EPHA6: variants seen among roughly 807,000 people sequenced by gnomAD.
EPHA6 encodes the protein EPH receptor A6.
In EPHA6, 50 loss-of-function variants were observed where a neutral mutation model predicts 112.0. The observed-to-expected ratio is 0.45, with a 90% CI of 0.36 to 0.56. EPHA6 has a LOEUF of 0.56. Among genes scored for constraint, EPHA6 ranks in the 20% least tolerant of loss-of-function variants. The probability of loss-of-function intolerance (pLI) is 0.00; values close to 1 mark genes in which losing one functional copy is unlikely to be tolerated. For missense variants in EPHA6, 1,280 were observed against 1,417.4 expected, an observed-to-expected ratio of 0.90 and a Z score of 1.56; for synonymous variants, 529 against 490.7, an observed-to-expected ratio of 1.08 and a Z score of -1.03.
chr3:97,494,775 C>A (rs28470600), intron 10 of EPHA6, among the ~76,000 whole-genome samples: 10,356 of 152,106 alleles, frequency 0.068, 1,104 homozygotes, highest in African/African-American at 0.23. Context: ...TGAACTTATA[C>A]AAAGTAAACC....
intron 14 of EPHA6, among the ~76,000 whole-genome samples, chr3:97,662,263 G>A (rs1305256630): frequency 6.6e-6 from 1 of 152,122 alleles, no homozygotes; most frequent in Non-Finnish European, 1.5e-5. Context: ...AAAATTTTTA[G>A]TAAATGTTAA....
chr3:96,979,082 A>T (rs554023902), intron 2 of EPHA6, among the ~76,000 whole-genome samples: 1 of 152,178 alleles, frequency 6.6e-6, no homozygotes, highest in Non-Finnish European at 1.5e-5. Flanking sequence ...TATACTTTAA[A>T]ATTTCTAGGG....
At chr3:96,890,446 A>G (rs1234140308) in intron 2 of EPHA6, among the ~76,000 whole-genome samples, 1 of 152,180 alleles carries the variant, frequency 6.6e-6, no homozygotes, top group Non-Finnish European at 1.5e-5. Context: ...TTAAAACTTG[A>G]AGATTAGAAG....
chr3:97,708,667 G>A (rs567780541), intron 14 of EPHA6, among the ~76,000 whole-genome samples: 1 of 152,332 alleles, frequency 6.6e-6, no homozygotes, highest in East Asian at 1.9e-4. Context: ...AGATCTTCAT[G>A]GCAGTTCTTC....
rs1576809731 is a variant in EPHA6 at position 97,269,367 on chromosome 3, C to G, written c.1606+25080C>G. On this transcript the variant is annotated intron_variant, in intron 5 of 17. Coordinates refer to ENST00000389672, the MANE Select transcript of EPHA6 (RefSeq NM_001080448.3). ...TGATGGCTTCCCTGGATCAAAGTGT[C>G]CCTCCCCTTCTCTCACAATTTCTAT... Among the ~76,000 whole-genome samples the G allele has an allele frequency of 5.3e-5, 8 of 152,148 alleles. 3 individuals carry two copies. The highest frequency in any genetic ancestry group is 5.2e-4 in the Admixed American group (8 of 15,270).
chr3:97,047,366 G>T (rs143630395), intron 3 of EPHA6, among the ~76,000 whole-genome samples: 2 of 151,734 alleles, frequency 1.3e-5, no homozygotes, highest in Non-Finnish European at 2.9e-5. Context: ...TGGGCGTGGT[G>T]GTGGGCACCT....
intron 3 of EPHA6, among the ~76,000 whole-genome samples, chr3:97,106,449 G>C (rs1445669040): frequency 6.6e-6 from 1 of 151,894 alleles, no homozygotes. Context: ...AATATTGGTG[G>C]GGGTGGTTGG....
At chr3:97,316,551 C>T (rs987415718) in intron 5 of EPHA6, among the ~76,000 whole-genome samples, 4 of 151,690 alleles carry the variant, frequency 2.6e-5, no homozygotes, top group African/African-American at 9.7e-5. Flanking sequence ...TAATCCATAC[C>T]CTGATGCTAT....
intron 10 of EPHA6, among the ~76,000 whole-genome samples, chr3:97,523,175 C>A (rs1194395633): frequency 6.6e-6 from 1 of 152,010 alleles, no homozygotes; most frequent in Admixed American, 6.6e-5. Context: ...TTGCTATAAA[C>A]TTCCCTCTTA....
At chr3:97,472,158 G>A (rs1227984286) in intron 7 of EPHA6, among the ~76,000 whole-genome samples, 3 of 151,644 alleles carry the variant, frequency 2.0e-5, no homozygotes, top group Middle Eastern at 3.4e-3. Context: ...TGAGGGGAGG[G>A]GGAAAGGCTG....
intron 5 of EPHA6, among the ~76,000 whole-genome samples, chr3:97,297,099 C>T (rs1173239829): frequency 6.6e-6 from 1 of 152,098 alleles, no homozygotes; most frequent in Non-Finnish European, 1.5e-5. Flanking sequence ...CTAGTCTAGT[C>T]AGAGGCCCTG....
chr3:97,320,912 G>A (rs1277963870), intron 5 of EPHA6, among the ~76,000 whole-genome samples: 6 of 149,992 alleles, frequency 4.0e-5, no homozygotes, highest in Admixed American at 4.0e-4. Context: ...TTAATTTTCA[G>A]TGCTTTGGAG....
chr3:97,085,866 TCG>T (rs2046876534), intron 3 of EPHA6, among the ~76,000 whole-genome samples: 1 of 150,462 alleles, frequency 6.6e-6, no homozygotes, highest in Admixed American at 6.6e-5. Context: ...AGAAGTTCTC[TCG>T]TAGAAATTGA....
At chr3:97,265,922 A>T (rs950823407) in intron 5 of EPHA6, among the ~76,000 whole-genome samples, 1 of 152,240 alleles carries the variant, frequency 6.6e-6, no homozygotes, top group Admixed American at 6.5e-5. Flanking sequence ...AAAAGCAGGC[A>T]TTGGGCTTGA....
intron 5 of EPHA6, chr3:97,244,662 A>T (rs924114400): frequency 3.7e-6 from 1 of 272,482 alleles, no homozygotes; most frequent in Non-Finnish European, 6.8e-6. Flanking sequence ...TCCTTTTTGC[A>T]TGTCAAATAA....
At position 97,405,240 on chromosome 3, in the gene EPHA6, C is replaced by G. The variant is rs753388249; in HGVS notation, c.1697C>G (p.Ala566Gly). ...CAAGCACCTGCTTTTTCCAATGGAG[C>G]CATTCTGGACTACGAGATCAAGTAC... ...SWQAPAFSNG[A>G]ILDYEIKYYE... The change falls in exon 6 of 18, where the codon GCC (alanine) becomes GGC (glycine). Residue 566 changes from alanine to glycine, a missense_variant. By Grantham distance (60) the Ala-to-Gly change is moderately conservative (BLOSUM62 0). Around this residue, in one of 4 missense-constraint regions of EPHA6, gnomAD observed 878 missense variants for 999.7 expected, o/e 0.88. Coordinates refer to ENST00000389672, the MANE Select transcript of EPHA6 (RefSeq NM_001080448.3). 1.2e-6 allele frequency: 2 copies of G among 1,611,404 alleles called. No individual in the cohort carries two copies. Among genetic ancestry groups the G allele is most frequent in the Middle Eastern group, 1.7e-4 (1 of 6,058 alleles).
chr3:97,548,575 A>T (rs1368089582), intron 11 of EPHA6, among the ~76,000 whole-genome samples: 1 of 152,354 alleles, frequency 6.6e-6, no homozygotes, highest in South Asian at 2.1e-4. Flanking sequence ...TTTGTCAATT[A>T]GAATTCTTCT....
intron 3 of EPHA6, among the ~76,000 whole-genome samples, chr3:97,097,396 A>T (rs990476179): frequency 6.6e-6 from 1 of 151,856 alleles, no homozygotes; most frequent in African/African-American, 2.4e-5. Flanking sequence ...TCAGAGATAA[A>T]GGAAATATAC....
intron 2 of EPHA6, among the ~76,000 whole-genome samples, chr3:96,920,476 A>G (rs1360462721): frequency 6.6e-6 from 1 of 151,962 alleles, no homozygotes. Context: ...CAAAGACCCA[A>G]TCTTCAGGGG....
Sources: gnomAD v4.1 joint callset for allele counts (sites outside exome capture counted in the v4.1 genomes callset) on GRCh38, gnomAD v4.1.1 for gene constraint, gnomAD v4.1.1 regional missense constraint, MANE v1.5 for transcripts, NCBI Gene and HGNC (gene_info 2026-07-23, HGNC 2026-07-21) for gene names.